Variants in CDH4 observed in about 807,000 individuals in gnomAD.
CDH4 encodes the protein cadherin-4.
CDH4 carries 33 observed loss-of-function variants against 86.0 expected under a neutral mutation model. The observed-to-expected ratio is 0.38, with a 90% CI of 0.29 to 0.51. The LOEUF is 0.51. Ranked by LOEUF, CDH4 falls within the 20% of genes least tolerant of loss-of-function variation. The probability of loss-of-function intolerance (pLI) is 0.86; values close to 1 mark genes in which losing one functional copy is unlikely to be tolerated. For synonymous variants in CDH4, 555 were observed against 549.4 expected, an observed-to-expected ratio of 1.01 and a Z score of -0.14; for missense variants, 1,114 against 1,307.4, an observed-to-expected ratio of 0.85 and a Z score of 2.28.
intron 2 of CDH4, among the ~76,000 whole-genome samples, chr20:61,508,266 C>T (rs1319801103): frequency 6.6e-6 from 1 of 152,222 alleles, no homozygotes; most frequent in Non-Finnish European, 1.5e-5. Context: ...GTGTGCCCCC[C>T]ACTGAGTTGG....
chr20:61,882,914 C>T (rs1018272061), intron 7 of CDH4, among the ~76,000 whole-genome samples: 11 of 152,008 alleles, frequency 7.2e-5, no homozygotes, highest in Non-Finnish European at 1.2e-4. Context: ...CCCCCACACC[C>T]GACGGAAGCC....
chr20:61,386,902 G>A (rs2084954527), intron 2 of CDH4, among the ~76,000 whole-genome samples: 1 of 152,204 alleles, frequency 6.6e-6, no homozygotes, highest in African/African-American at 2.4e-5. Context: ...GGGGGAGGAG[G>A]CGTCAGGACC....
chr20:61,282,646 T>A (rs987415306), intron 2 of CDH4, among the ~76,000 whole-genome samples: 1 of 152,220 alleles, frequency 6.6e-6, no homozygotes, highest in Non-Finnish European at 1.5e-5. Context: ...AATGTGTTCA[T>A]ATGTACATAT....
chr20:61,646,398 C>CT (rs1055480066), intron 2 of CDH4, among the ~76,000 whole-genome samples: 7 of 152,202 alleles, frequency 4.6e-5, no homozygotes, highest in African/African-American at 1.7e-4. Context: ...AGCCACCCTT[C>CT]TGAAGGGACA....
At chr20:61,670,472 T>G (rs899494430) in intron 2 of CDH4, among the ~76,000 whole-genome samples, 7 of 152,186 alleles carry the variant, frequency 4.6e-5, no homozygotes, top group Non-Finnish European at 1.0e-4. Context: ...TGTCCCCTGA[T>G]GGAGCCAAGG....
chr20:61,552,727 A>G (rs1236927241), intron 2 of CDH4, among the ~76,000 whole-genome samples: 1 of 152,162 alleles, frequency 6.6e-6, no homozygotes, highest in Admixed American at 6.5e-5. Context: ...GAAAAAAACA[A>G]AAACAAAAGA....
At chr20:61,462,455 G>T (rs1440497789) in intron 2 of CDH4, among the ~76,000 whole-genome samples, 1 of 152,148 alleles carries the variant, frequency 6.6e-6, no homozygotes, top group Non-Finnish European at 1.5e-5. Context: ...TTCTCACCTG[G>T]TAAATCAAGG....
At chr20:61,704,621 C>A (rs1260602450) in intron 2 of CDH4, among the ~76,000 whole-genome samples, 1 of 152,190 alleles carries the variant, frequency 6.6e-6, no homozygotes, top group Non-Finnish European at 1.5e-5. Context: ...GTCACTCTCA[C>A]CCCTGGTGTC....
chr20:61,771,967 G>A (rs903152200), intron 3 of CDH4, among the ~76,000 whole-genome samples: 1 of 152,180 alleles, frequency 6.6e-6, no homozygotes, highest in African/African-American at 2.4e-5. Flanking sequence ...GCTCTTGATA[G>A]TCACTGGCAA....
chr20:61,555,299 C>T lies in CDH4; in HGVS notation c.170-188264C>T, dbSNP rs547038626. Reference sequence around the variant, plus strand: ...AAGATGTATTTATCTTTAATTTTGGCGAGGATGCGGAGTGAAGCAGTAAGG... The same window carrying T: ...AAGATGTATTTATCTTTAATTTTGGTGAGGATGCGGAGTGAAGCAGTAAGG... On this transcript the variant is annotated intron_variant, in intron 2 of 15. Coordinates refer to ENST00000614565, the MANE Select transcript of CDH4 (RefSeq NM_001794.5). 7.2e-5 allele frequency among the ~76,000 whole-genome samples: 11 copies of T among 152,296 alleles called. No homozygotes were observed. In the East Asian group the frequency reaches 1.7e-3, roughly 24 times the overall value.
intron 2 of CDH4, among the ~76,000 whole-genome samples, chr20:61,378,203 A>G (rs554032342): frequency 1.8e-4 from 28 of 152,334 alleles, no homozygotes; most frequent in African/African-American, 5.8e-4. Flanking sequence ...GCAGTGAGCC[A>G]TGATCATTGC....
At chr20:61,871,126 C>T (rs1451566797) in intron 6 of CDH4, among the ~76,000 whole-genome samples, 2 of 152,130 alleles carry the variant, frequency 1.3e-5, no homozygotes, top group Non-Finnish European at 1.5e-5. Context: ...TTCCAAGGTG[C>T]CCTCTAGAAT....
chr20:61,328,447 T>C (rs1366994409), intron 2 of CDH4, among the ~76,000 whole-genome samples: 1 of 152,174 alleles, frequency 6.6e-6, no homozygotes, highest in African/African-American at 2.4e-5. Flanking sequence ...AGTGCTGGGA[T>C]TACAGGCGTG....
chr20:61,574,341 C>G (rs539122801), intron 2 of CDH4, among the ~76,000 whole-genome samples: 126 of 152,346 alleles, frequency 8.3e-4, no homozygotes, highest in Admixed American at 1.0e-3. Flanking sequence ...GCCCCGTGGG[C>G]CCCGTGTGCA....
chr20:61,868,344 G>A (rs891131548), intron 6 of CDH4, among the ~76,000 whole-genome samples: 2 of 152,212 alleles, frequency 1.3e-5, no homozygotes, highest in African/African-American at 4.8e-5. Flanking sequence ...GCCTGAGCAG[G>A]ACCTCTGAGG....
At chr20:61,673,923 G>A (rs151013894) in intron 2 of CDH4, among the ~76,000 whole-genome samples, 2 of 152,288 alleles carry the variant, frequency 1.3e-5, no homozygotes, top group African/African-American at 2.4e-5. Flanking sequence ...ATCCTGTGAC[G>A]ATCTCCTCCA....
At chr20:61,620,218 G>A (rs2086763100) in intron 2 of CDH4, among the ~76,000 whole-genome samples, 1 of 92,044 alleles carries the variant, frequency 1.1e-5, no homozygotes, top group Middle Eastern at 6.3e-3. Flanking sequence ...AGACAGGCAG[G>A]CTGGTAGGCA....
intron 2 of CDH4, among the ~76,000 whole-genome samples, chr20:61,361,650 G>A (rs558288952): frequency 2.0e-5 from 3 of 152,288 alleles, no homozygotes; most frequent in East Asian, 1.9e-4. Flanking sequence ...ACAGACATCC[G>A]CTGAGCAGCA....
intron 4 of CDH4, among the ~76,000 whole-genome samples, chr20:61,814,994 G>T (rs1980640456): frequency 6.6e-6 from 1 of 152,198 alleles, no homozygotes; most frequent in African/African-American, 2.4e-5. Context: ...AGGTTGGGAG[G>T]CACCCCTCAA....
Sources: allele counts gnomAD v4.1 joint callset (sites outside exome capture counted in the v4.1 genomes callset), GRCh38; gene constraint gnomAD v4.1.1; transcripts MANE v1.5; gene names NCBI Gene and HGNC (gene_info 2026-07-23, HGNC 2026-07-21).